PRKCZ: variants seen among roughly 807,000 people sequenced by gnomAD.
PRKCZ encodes protein kinase C zeta, also known as protein kinase C zeta type.
A neutral mutation model predicts 79.5 loss-of-function variants in PRKCZ; 33 were observed. The ratio of observed to expected loss-of-function variants is 0.41; its 90% CI spans 0.31 to 0.55. PRKCZ has a LOEUF of 0.55. Among genes scored for constraint, PRKCZ ranks in the 20% least tolerant of loss-of-function variants. The pLI, the probability that PRKCZ is intolerant of heterozygous loss-of-function variation, is 0.19. For missense variants in PRKCZ, 578 were observed against 813.5 expected, an observed-to-expected ratio of 0.71 and a Z score of 3.52; for synonymous variants, 342 against 320.9, an observed-to-expected ratio of 1.07 and a Z score of -0.70.
chr1:2,078,287 G>C (rs1178600018), intron 4 of PRKCZ, among the ~76,000 whole-genome samples: 1 of 152,234 alleles, frequency 6.6e-6, no homozygotes, highest in Admixed American at 6.5e-5. Context: ...GCCAGTTTGG[G>C]GGATCTAGTT....
intron 9 of PRKCZ, among the ~76,000 whole-genome samples, chr1:2,155,693 A>G (rs927999431): frequency 3.4e-5 from 5 of 146,622 alleles, no homozygotes; most frequent in Non-Finnish European, 1.5e-5. Flanking sequence ...GATGGTGACA[A>G]TGATGACGGT....
chr1:2,062,245 G>A (rs1223169359), intron 4 of PRKCZ, among the ~76,000 whole-genome samples: 1 of 152,076 alleles, frequency 6.6e-6, no homozygotes, highest in Non-Finnish European at 1.5e-5. Context: ...CCCCGTGCCC[G>A]TCATCGGTCA....
At chr1:2,156,174 A>C in intron 10 of PRKCZ, 82 bp downstream of exon 10, 2 of 1,314,322 alleles carry the variant, frequency 1.5e-6, no homozygotes, top group Non-Finnish European at 2.2e-6. Context: ...GTGATGTGTC[A>C]ACTGTCACCT....
rs535271634 is a variant in PRKCZ, at chr1:2,050,485, G to A, written c.-146G>A. On this transcript the variant is annotated 5_prime_UTR_variant, in exon 1 of 18. Transcript: ENST00000378567. ...CCCCGCTCCCGCCCCGCGCGCCGCC[G>A]GAGTTCCGCGGAGTTGACCGGGTCG... 3.9e-3 allele frequency: 1,316 copies of A among 335,294 alleles called. 17 individuals are homozygous for A. Among genetic ancestry groups the A allele is most frequent in the African/African-American group, 0.026 (1,197 of 45,310 alleles). The allele number at this position is 335,294 out of a possible 1,614,324, so 20.8% of individuals were successfully genotyped here.
intron 4 of PRKCZ, among the ~76,000 whole-genome samples, chr1:2,118,346 T>TTG (rs1671165636): frequency 6.7e-6 from 1 of 148,648 alleles, no homozygotes; most frequent in African/African-American, 2.5e-5. Flanking sequence ...GTTTTTGTTT[T>TTG]TTTTTTTTTG....
At chr1:2,051,223 G>T (rs1016121364) in intron 1 of PRKCZ, among the ~76,000 whole-genome samples, 3 of 151,468 alleles carry the variant, frequency 2.0e-5, no homozygotes, top group South Asian at 4.2e-4. Context: ...AGGAGACGGT[G>T]GGGCCGAGAC....
chr1:2,085,958 C>T (rs1017261710), intron 4 of PRKCZ, among the ~76,000 whole-genome samples: 1 of 152,124 alleles, frequency 6.6e-6, no homozygotes, highest in Non-Finnish European at 1.5e-5. Flanking sequence ...GGCATCATCC[C>T]AGGAGTAAGA....
intron 4 of PRKCZ, among the ~76,000 whole-genome samples, chr1:2,080,840 C>T (rs994468838): frequency 3.3e-5 from 5 of 152,192 alleles, no homozygotes; most frequent in South Asian, 2.1e-4. Flanking sequence ...TCATTTTCAA[C>T]GACCTTCGTA....
chr1:2,160,541 G>A (rs1050297200), intron 10 of PRKCZ, among the ~76,000 whole-genome samples: 1 of 152,226 alleles, frequency 6.6e-6, no homozygotes, highest in Non-Finnish European at 1.5e-5. Context: ...GGTGCCAGGG[G>A]CTTTCGAAGC....
rs144646083 is a variant in PRKCZ, at chr1:2,163,121, C to T, written c.975-6397C>T. 4.5e-3 allele frequency among the ~76,000 whole-genome samples: 690 copies of T among 152,350 alleles called. 2 individuals are homozygous for T. Among genetic ancestry groups the T allele is most frequent in the Middle Eastern group, 6.8e-3 (2 of 294 alleles). ...GCCAGCACCTGCCTCACTGGGGTGACGTTGACACTGGACGGCCCTGTCCTA... is the reference window on the plus strand; with the variant it reads ...GCCAGCACCTGCCTCACTGGGGTGATGTTGACACTGGACGGCCCTGTCCTA... On this transcript the variant is annotated intron_variant, in intron 10 of 17. Coordinates refer to ENST00000378567, the MANE Select transcript of PRKCZ (RefSeq NM_002744.6).
intron 5 of PRKCZ, chr1:2,142,219 A>T (rs367725239): frequency 1.4e-5 from 4 of 291,172 alleles, no homozygotes; most frequent in Non-Finnish European, 1.3e-5. Flanking sequence ...GCCTCCTTTC[A>T]CTCCAGGGTC....
At chr1:2,081,666 T>C (rs1215584281) in intron 4 of PRKCZ, among the ~76,000 whole-genome samples, 2 of 152,036 alleles carry the variant, frequency 1.3e-5, no homozygotes, top group Non-Finnish European at 2.9e-5. Context: ...GGGGCTGCGG[T>C]TGGGGGACTG....
chr1:2,095,221 C>T (rs1444227581), intron 4 of PRKCZ, among the ~76,000 whole-genome samples: 1 of 152,174 alleles, frequency 6.6e-6, no homozygotes, highest in African/African-American at 2.4e-5. Context: ...TCTAGGTCTG[C>T]GTTGGCCTGG....
At chr1:2,067,640 G>C (rs1046265577) in intron 4 of PRKCZ, among the ~76,000 whole-genome samples, 1 of 152,152 alleles carries the variant, frequency 6.6e-6, no homozygotes, top group Non-Finnish European at 1.5e-5. Context: ...GTGGTGGCAC[G>C]GGGGTCCGCA....
chr1:2,101,427 C>T (rs1667424148), intron 4 of PRKCZ, among the ~76,000 whole-genome samples: 1 of 152,184 alleles, frequency 6.6e-6, no homozygotes, highest in African/African-American at 2.4e-5. Context: ...TTGACTTTGT[C>T]CTCAGACTCC....
chr1:2,181,059 C>G (rs1461883772), intron 16 of PRKCZ, among the ~76,000 whole-genome samples: 5 of 152,010 alleles, frequency 3.3e-5, no homozygotes, highest in Non-Finnish European at 7.4e-5. Context: ...GGGGCCTAGC[C>G]CAGCCCCCCA....
chr1:2,055,304 GA>G (rs1373425920), intron 1 of PRKCZ, 136 bp from the exon 2 acceptor site: 67 of 1,062,828 alleles, frequency 6.3e-5, no homozygotes, highest in Non-Finnish European at 8.4e-5. Flanking sequence ...TGGGAGGGGG[GA>G]GGGGGTGGGG....
At chr1:2,167,651 T>C (rs1205306580) in intron 10 of PRKCZ, among the ~76,000 whole-genome samples, 2 of 152,186 alleles carry the variant, frequency 1.3e-5, no homozygotes, top group Admixed American at 1.3e-4. Context: ...TCGCCCAGGC[T>C]GGAGTGCAGT....
intron 10 of PRKCZ, among the ~76,000 whole-genome samples, chr1:2,161,142 G>A (rs760937232): frequency 2.0e-5 from 3 of 152,228 alleles, no homozygotes; most frequent in African/African-American, 7.2e-5. Context: ...ACTGACACCC[G>A]TAGGGCCCAG....
Sources: gnomAD v4.1 joint callset for allele counts (sites outside exome capture counted in the v4.1 genomes callset) on GRCh38, gnomAD v4.1.1 for gene constraint, MANE v1.5 for transcripts, NCBI Gene and HGNC (gene_info 2026-07-23, HGNC 2026-07-21) for gene names.